The following ELAVL2 variants were observed in gnomAD, a reference collection of about 807,000 sequenced individuals.
ELAVL2 encodes the protein ELAV-like protein 2.
A neutral mutation model predicts 34.6 loss-of-function variants in ELAVL2; 4 were observed. That is an observed-to-expected ratio of 0.12 (90% confidence interval 0.06 to 0.26). The LOEUF (loss-of-function observed/expected upper bound fraction) is 0.26. Ranked by LOEUF, ELAVL2 falls within the 10% of genes least tolerant of loss-of-function variation. ELAVL2 has a pLI of 1.00. For missense variants in ELAVL2, 432 were observed against 442.8 expected, an observed-to-expected ratio of 0.98 and a Z score of 0.22; for synonymous variants, 193 against 154.8, an observed-to-expected ratio of 1.25 and a Z score of -1.83.
intron 1 of ELAVL2, among the ~76,000 whole-genome samples, chr9:23,779,032 C>A (rs2058671194): frequency 6.6e-6 from 1 of 152,144 alleles, no homozygotes; most frequent in Non-Finnish European, 1.5e-5. Flanking sequence ...CAATGAAGTG[C>A]TTTATCCCCA....
chr9:23,793,753 C>T lies in ELAVL2; in HGVS notation c.-15-31504G>A, dbSNP rs569114534. Among the ~76,000 whole-genome samples, 8 of 152,174 alleles carry T rather than the reference C, an allele frequency of 5.3e-5. No individual in the cohort carries two copies. The South Asian group carries it at 1.7e-3, about 32-fold the overall frequency. ...TACCTGGCTCTTGATTTTTACATGC[C>T]CCCAAAATAGCCTCTGTCCCACTCA... is the stretch of plus-strand genomic sequence containing the variant. On this transcript the variant is annotated intron_variant, in intron 1 of 6. Transcript: ENST00000397312.
intron 3 of ELAVL2, among the ~76,000 whole-genome samples, chr9:23,726,458 T>A (rs1402682504): frequency 6.6e-6 from 1 of 152,004 alleles, no homozygotes; most frequent in African/African-American, 2.4e-5. Flanking sequence ...TAGACAGAAT[T>A]TTTTTTTCTT....
intron 2 of ELAVL2, among the ~76,000 whole-genome samples, chr9:23,760,983 C>T (rs2054847014): frequency 1.3e-5 from 2 of 151,954 alleles, no homozygotes; most frequent in African/African-American, 2.4e-5. Context: ...CAGTGTTACC[C>T]CCTTTTTCTC....
upstream of ELAVL2, chr9:23,829,886 A>T (rs2065444241): frequency 6.6e-6 from 1 of 152,112 alleles, no homozygotes; most frequent in Non-Finnish European, 1.5e-5. Context: ...GGAATGTTTT[A>T]TTCCACGGGA....
intron 1 of ELAVL2, among the ~76,000 whole-genome samples, chr9:23,775,345 G>C (rs1428807805): frequency 6.6e-6 from 1 of 152,152 alleles, no homozygotes; most frequent in African/African-American, 2.4e-5. Flanking sequence ...ACTCCAGCTT[G>C]GGTGGCAGAG....
intron 2 of ELAVL2, among the ~76,000 whole-genome samples, chr9:23,739,040 T>G (rs922504555): frequency 5.3e-5 from 8 of 152,184 alleles, no homozygotes; most frequent in Non-Finnish European, 7.3e-5. Flanking sequence ...CTTAGACTAT[T>G]GAGAACAGAA....
chr9:23,770,015 C>G (rs543959225), intron 1 of ELAVL2, among the ~76,000 whole-genome samples: 1 of 152,300 alleles, frequency 6.6e-6, no homozygotes, highest in Non-Finnish European at 1.5e-5. Context: ...CGAAAAAGAT[C>G]TGCTTAAGTT....
chr9:23,823,110 T>C lies in ELAVL2; in HGVS notation c.-16+2696A>G, dbSNP rs1250033503. Among the ~76,000 whole-genome samples the C allele has an allele frequency of 8.5e-5, 13 of 152,220 alleles. 1 individual carries two copies. Among genetic ancestry groups the C allele is most frequent in the Admixed American group, 8.5e-4 (13 of 15,286 alleles). On this transcript the variant is annotated intron_variant, in intron 1 of 6. Transcript: ENST00000397312. ...GGGGACACCGGATACAGCTAACTGA[T>C]TCTATATCAGCATTTCCGTGTCACC...
intron 5 of ELAVL2, among the ~76,000 whole-genome samples, chr9:23,699,068 A>G (rs982754018): frequency 6.6e-6 from 1 of 152,250 alleles, no homozygotes; most frequent in Non-Finnish European, 1.5e-5. Flanking sequence ...GTCTTTCTAT[A>G]GGAGTGAAGG....
chr9:23,693,201 C>T (rs981979494), intron 6 of ELAVL2, among the ~76,000 whole-genome samples: 9 of 152,146 alleles, frequency 5.9e-5, no homozygotes, highest in African/African-American at 1.9e-4. Context: ...TCAACACATA[C>T]GTAAACATGC....
chr9:23,769,460 G>T (rs1321580355), intron 1 of ELAVL2, among the ~76,000 whole-genome samples: 1 of 152,162 alleles, frequency 6.6e-6, no homozygotes, highest in African/African-American at 2.4e-5. Context: ...AATTAAGCAA[G>T]AGAATAGTCA....
At chr9:23,814,075 T>G (rs1372187211) in intron 1 of ELAVL2, among the ~76,000 whole-genome samples, 1 of 152,144 alleles carries the variant, frequency 6.6e-6, no homozygotes, top group Non-Finnish European at 1.5e-5. Context: ...GATCTTTATA[T>G]ATTACCAAAC....
At chr9:23,714,840 G>T (rs116355191) in intron 3 of ELAVL2, among the ~76,000 whole-genome samples, 3,066 of 152,068 alleles carry the variant, frequency 0.02, 113 homozygotes, top group African/African-American at 0.07. Flanking sequence ...ACACTCTCAA[G>T]TACCACTATA....
chr9:23,845,716 A>G, the ELAVL2 span, among the ~76,000 whole-genome samples: 1 of 151,898 alleles, frequency 6.6e-6, no homozygotes, highest in Admixed American at 6.6e-5. Flanking sequence ...AAATGGATGT[A>G]TCAATTTTTT....
intron 1 of ELAVL2, among the ~76,000 whole-genome samples, chr9:23,766,331 T>C (rs540513965): frequency 6.6e-6 from 1 of 152,292 alleles, no homozygotes; most frequent in Admixed American, 6.5e-5. Flanking sequence ...TAACTGAACC[T>C]GTGAAAAAGT....
At chr9:23,697,549 T>C (rs1206848495) in intron 5 of ELAVL2, among the ~76,000 whole-genome samples, 2 of 152,168 alleles carry the variant, frequency 1.3e-5, no homozygotes, top group Non-Finnish European at 2.9e-5. Flanking sequence ...CATGTACATA[T>C]GTAATTTATG....
chr9:23,782,624 A>G (rs2059213162), intron 1 of ELAVL2, among the ~76,000 whole-genome samples: 1 of 152,126 alleles, frequency 6.6e-6, no homozygotes, highest in Non-Finnish European at 1.5e-5. Flanking sequence ...AAACCATGCA[A>G]GAGCTTAAGC....
chr9:23,771,006 T>C (rs2057207597), intron 1 of ELAVL2, among the ~76,000 whole-genome samples: 1 of 151,880 alleles, frequency 6.6e-6, no homozygotes, highest in Admixed American at 6.6e-5. Context: ...AAGGCCACCA[T>C]AACAAAAAAG....
intron 4 of ELAVL2, among the ~76,000 whole-genome samples, chr9:23,703,647 T>G (rs1056107414): frequency 3.9e-5 from 6 of 152,196 alleles, no homozygotes; most frequent in African/African-American, 1.4e-4. Flanking sequence ...CTTCACTTGA[T>G]GAATGAAAAA....
Sources: gnomAD v4.1 joint callset for allele counts (sites outside exome capture counted in the v4.1 genomes callset) on GRCh38, gnomAD v4.1.1 for gene constraint, MANE v1.5 for transcripts, NCBI Gene and HGNC (gene_info 2026-07-23, HGNC 2026-07-21) for gene names.